The following COL27A1 variants were observed in gnomAD, a reference collection of about 807,000 sequenced individuals.
COL27A1 encodes collagen type XXVII alpha 1 chain, also known as collagen alpha-1(XXVII) chain.
Under a neutral mutation model 251.3 loss-of-function variants are expected in COL27A1, and 106 were observed. The ratio of observed to expected loss-of-function variants is 0.42; its 90% CI spans 0.36 to 0.50. COL27A1 has a LOEUF of 0.50. COL27A1 is among the 20% of genes least tolerant of loss of function. The pLI is 0.00. For synonymous variants in COL27A1, 1,000 were observed against 986.3 expected (o/e 1.01, Z -0.26); for missense variants, 2,325 against 2,522.8 (o/e 0.92, Z 1.68).
intron 3 of COL27A1, among the ~76,000 whole-genome samples, chr9:114,173,002 C>T (rs571844517): frequency 2.5e-4 from 38 of 152,198 alleles, no homozygotes; most frequent in Non-Finnish European, 4.4e-4. Context: ...ACCTGCTCCT[C>T]GGGGTTCAGG....
In COL27A1 at chr9:114,219,863, T is replaced by C. The variant is rs769063293; in HGVS notation, c.2421+19T>C. 31 of 1,589,330 alleles carry C rather than the reference T, an allele frequency of 2.0e-5. No individual in the cohort carries two copies. The Admixed American group carries it at 2.2e-4, about 11-fold the overall frequency. On this transcript the variant is annotated intron_variant, in intron 13 of 60. Coordinates refer to ENST00000356083, the MANE Select transcript of COL27A1 (RefSeq NM_032888.4). ...AAATCCTGTGAGTATTTCAAGTCTT[T>C]GGGAACAGGAGCGAGATTCTGAGTG...
Position 114,168,090 on chromosome 9 carries a change from G to T in COL27A1, c.535G>T (p.Val179Leu). 1.2e-6 allele frequency: 2 copies of T among 1,611,390 alleles called. No homozygotes were observed. The highest frequency in any genetic ancestry group is 1.6e-4 in the Middle Eastern group (1 of 6,062). The change falls in exon 3 of 61, where the codon GTG becomes TTG. Residue 179 changes from valine to leucine, a missense_variant. Around this residue, in one of 4 missense-constraint regions of COL27A1, gnomAD observed 1,183 missense variants for 1,144.1 expected, o/e 1.03. Coordinates refer to ENST00000356083, the MANE Select transcript of COL27A1 (RefSeq NM_032888.4). The part of the protein sequence containing the change: ...TLVTACGQRR[V>L]PVLLPFHRDP... ...GGTGACTGCCTGCGGGCAGCGCCGG[G>T]TGCCTGTCCTGCTGCCTTTCCACAG...
intron 57 of COL27A1, among the ~76,000 whole-genome samples, 166 bp downstream of exon 57, chr9:114,304,839 A>G (rs1014707140): frequency 2.0e-5 from 3 of 152,216 alleles, no homozygotes; most frequent in African/African-American, 7.2e-5. Context: ...ACTGAAACTC[A>G]GAATGGGCAG....
At chr9:114,183,609 C>G (rs1828112502) in intron 5 of COL27A1, among the ~76,000 whole-genome samples, 1 of 152,070 alleles carries the variant, frequency 6.6e-6, no homozygotes, top group South Asian at 2.1e-4. Context: ...AGGTGAGAGA[C>G]AGTTACAAAC....
intron 14 of COL27A1, among the ~76,000 whole-genome samples, chr9:114,224,891 A>T (rs1045228264): frequency 2.0e-5 from 3 of 152,024 alleles, no homozygotes; most frequent in African/African-American, 7.2e-5. Flanking sequence ...TCCTGGGCTC[A>T]AGCGATCTGC....
intron 3 of COL27A1, among the ~76,000 whole-genome samples, chr9:114,172,765 G>T (rs1166000526): frequency 6.6e-6 from 1 of 152,192 alleles, no homozygotes. Context: ...CTGCACTCCA[G>T]CCTGGGCAAC....
chr9:114,196,510 A>T (rs1829144261), intron 7 of COL27A1, among the ~76,000 whole-genome samples: 1 of 152,178 alleles, frequency 6.6e-6, no homozygotes, highest in Non-Finnish European at 1.5e-5. Flanking sequence ...AAGTTGAGGG[A>T]GTGGACCCTG....
intron 56 of COL27A1, among the ~76,000 whole-genome samples, chr9:114,302,377 G>A (rs1291206160): frequency 6.6e-6 from 1 of 152,164 alleles, no homozygotes; most frequent in Non-Finnish European, 1.5e-5. Context: ...CCCTATCTGT[G>A]TACTCCATAC....
intron 14 of COL27A1, among the ~76,000 whole-genome samples, chr9:114,227,536 T>C (rs996944894): frequency 1.1e-4 from 17 of 152,142 alleles, no homozygotes; most frequent in African/African-American, 3.9e-4. Context: ...CTGGGGTTAC[T>C]GTGAGCAGCT....
At chr9:114,289,146 A>AACCCAC in intron 44 of COL27A1, 96 bp from the exon 45 acceptor site, 22 of 1,126,988 alleles carry the variant, frequency 2.0e-5, no homozygotes, top group Non-Finnish European at 2.6e-5. Context: ...GCACCCCCAA[A>AACCCAC]CCCCTCCCCA....
At position 114,258,592 on chromosome 9, in the gene COL27A1, C is replaced by G. The variant is rs1204182728; in HGVS notation, c.3193C>G (p.Arg1065Gly). Residue 1065 changes from arginine (R) to glycine (G), a missense_variant and splice_region_variant, in exon 28 of 61, where the codon CGG becomes GGG. Physicochemically the swap from Arg to Gly is moderately radical, Grantham distance 125 (BLOSUM62 -2). Around this residue, in one of 4 missense-constraint regions of COL27A1, gnomAD observed 662 missense variants for 795.3 expected, o/e 0.83. Transcript: ENST00000356083. ...AGGCATGAGGGGAGCAAAGGGACGTCGGGTAAGTCGAGCCCAGCTCCTGGG... is the reference window on the plus strand; with the variant it reads ...AGGCATGAGGGGAGCAAAGGGACGTGGGGTAAGTCGAGCCCAGCTCCTGGG... The part of the protein sequence containing the change: ...PPGMRGAKGR[R>G]GPRGPDGPAG... 1 of 1,613,838 alleles carries G rather than the reference C, an allele frequency of 6.2e-7. No homozygotes were observed. The highest frequency in any genetic ancestry group is 1.7e-5 in the Admixed American group (1 of 60,002).
rs368992348 is a variant in COL27A1, at chr9:114,170,238, G to A, written c.1908+775G>A. On this transcript the variant is annotated intron_variant, in intron 3 of 60. Transcript: ENST00000356083. ...GGAGTTTGGGGTGCAGAAGGTCAGC[G>A]TGGGCCAGAAGGAAGAGGAAGGGAG... Among the ~76,000 whole-genome samples, 122 of 152,344 alleles carry A rather than the reference G, an allele frequency of 8.0e-4. 1 individual carries two copies. Among genetic ancestry groups the A allele is most frequent in the African/African-American group, 2.8e-3 (118 of 41,588 alleles).
rs147441285 is a variant in COL27A1, at chr9:114,304,077, C to T, written c.4873-531C>T. Among the ~76,000 whole-genome samples the T allele has an allele frequency of 9.6e-4, 146 of 152,346 alleles. 1 individual carries two copies. The highest frequency in any genetic ancestry group is 3.4e-3 in the African/African-American group (141 of 41,574). On this transcript the variant is annotated intron_variant, in intron 56 of 60. Coordinates refer to ENST00000356083, the MANE Select transcript of COL27A1 (RefSeq NM_032888.4). ...CTCTAACCACCAGATACAAGTAGTA[C>T]CCCCTCCCCCGGCTTGAACAACTAA...
chr9:114,183,866 G>A, intron 5 of COL27A1, among the ~76,000 whole-genome samples: 1 of 152,162 alleles, frequency 6.6e-6, no homozygotes. Flanking sequence ...GACCTTAGTG[G>A]CTGATGCTTT....
At chr9:114,243,671 A>T in intron 23 of COL27A1, 111 bp downstream of exon 23, 1 of 873,026 alleles carries the variant, frequency 1.1e-6, no homozygotes, top group Admixed American at 2.7e-5. Context: ...GGAGAAAAAA[A>T]TTGGTTCCTG....
intron 24 of COL27A1, 100 bp downstream of exon 24, chr9:114,246,010 A>C (rs1192221726): frequency 3.8e-6 from 4 of 1,049,946 alleles, no homozygotes; most frequent in Non-Finnish European, 5.7e-6. Flanking sequence ...ACCTCGTGTA[A>C]TTCTCAGAAC....
At chr9:114,288,843 C>G (rs1827700778) in intron 43 of COL27A1, 71 bp from the exon 44 acceptor site, 3 of 1,606,920 alleles carry the variant, frequency 1.9e-6, no homozygotes, top group Non-Finnish European at 2.6e-6. Flanking sequence ...CAAGAACTTC[C>G]CAGGCTTCTG....
chr9:114,184,931 C>G (rs1300557971), intron 5 of COL27A1, among the ~76,000 whole-genome samples: 1 of 152,262 alleles, frequency 6.6e-6, no homozygotes, highest in African/African-American at 2.4e-5. Flanking sequence ...TTGCCCCTTC[C>G]TGGCCTGCTC....
At chr9:114,300,754 C>T (rs1828561878) in intron 51 of COL27A1, 67 bp downstream of exon 51, 1 of 1,325,788 alleles carries the variant, frequency 7.5e-7, no homozygotes, top group Admixed American at 2.7e-5. Flanking sequence ...CAGCCATCAG[C>T]TGGCCTGTCT....
Sources: gnomAD v4.1 joint callset for allele counts (sites outside exome capture counted in the v4.1 genomes callset) on GRCh38, gnomAD v4.1.1 for gene constraint, gnomAD v4.1.1 regional missense constraint, MANE v1.5 for transcripts, NCBI Gene and HGNC (gene_info 2026-07-23, HGNC 2026-07-21) for gene names.